Variants in SRGAP2 observed in about 807,000 individuals in gnomAD.
The protein encoded by SRGAP2 is SLIT-ROBO Rho GTPase activating protein 2.
In SRGAP2, 15 loss-of-function variants were observed where a neutral mutation model predicts 57.2. That is an observed-to-expected ratio of 0.26 (90% CI 0.18 to 0.40). The LOEUF is 0.40. Among genes scored for constraint, SRGAP2 ranks in the 10% least tolerant of loss-of-function variants. The pLI is 1.00. For missense variants in SRGAP2, 520 were observed against 669.6 expected (o/e 0.78, Z 2.47); for synonymous variants, 249 against 248.0 (o/e 1.00, Z -0.04).
At chr1:206,257,044 A>AG (rs1435407004) in intron 2 of SRGAP2, among the ~76,000 whole-genome samples, 1 of 129,432 alleles carries the variant, frequency 7.7e-6, no homozygotes, top group African/African-American at 3.0e-5. Context: ...TACTACTGCG[A>AG]GAGTGTGGGA....
At chr1:206,442,659 G>A (rs1418356818) in intron 17 of SRGAP2, among the ~76,000 whole-genome samples, 1 of 152,090 alleles carries the variant, frequency 6.6e-6, no homozygotes, top group East Asian at 1.9e-4. Flanking sequence ...GTTTTTTTCT[G>A]ATTGAAACGA....
intron 7 of SRGAP2, among the ~76,000 whole-genome samples, chr1:206,394,540 G>A (rs1657377734): frequency 6.6e-6 from 1 of 152,154 alleles, no homozygotes; most frequent in Admixed American, 6.5e-5. Context: ...GCTAGATAAG[G>A]AAGCTCAAGG....
intron 11 of SRGAP2, among the ~76,000 whole-genome samples, chr1:206,417,945 G>A (rs1216042354): frequency 1.3e-5 from 2 of 151,256 alleles, no homozygotes; most frequent in Non-Finnish European, 2.9e-5. Context: ...AGGGCCTTGG[G>A]GCCATACAAA....
intron 4 of SRGAP2, among the ~76,000 whole-genome samples, chr1:206,349,517 A>G (rs1348684784): frequency 4.3e-4 from 65 of 150,500 alleles, no homozygotes; most frequent in Non-Finnish European, 8.3e-4. Flanking sequence ...CCTCAAAAAA[A>G]AAAAAAAAAG....
chr1:206,453,045 G>A (rs575520884), intron 19 of SRGAP2, among the ~76,000 whole-genome samples, 155 bp from the exon 20 acceptor site: 3 of 152,306 alleles, frequency 2.0e-5, no homozygotes, highest in East Asian at 1.9e-4. Context: ...TATAGTCTGC[G>A]TGAGAATTAC....
At chr1:206,341,331 T>C (rs1675173512) in intron 3 of SRGAP2, among the ~76,000 whole-genome samples, 1 of 152,212 alleles carries the variant, frequency 6.6e-6, no homozygotes, top group Admixed American at 6.5e-5. Flanking sequence ...AAGAAACAGA[T>C]AGTTATTATT....
chr1:206,441,999 G>C (rs559575464), intron 17 of SRGAP2, among the ~76,000 whole-genome samples: 36 of 152,252 alleles, frequency 2.4e-4, no homozygotes, highest in Non-Finnish European at 5.1e-4. Context: ...ATATTTCTTT[G>C]TGAAAATGAG....
intron 4 of SRGAP2, among the ~76,000 whole-genome samples, chr1:206,351,118 G>A (rs1553338090): frequency 6.6e-6 from 1 of 152,232 alleles, no homozygotes; most frequent in Non-Finnish European, 1.5e-5. Context: ...GAGTCCAGCT[G>A]TTTGGCATGT....
chr1:206,371,591 C>T (rs2103023106), intron 4 of SRGAP2, among the ~76,000 whole-genome samples: 2 of 151,496 alleles, frequency 1.3e-5, no homozygotes, highest in Non-Finnish European at 2.9e-5. Flanking sequence ...ATTAGCCAGG[C>T]ATAGTGGCGG....
chr1:206,257,274 T>C (rs1571696027), intron 2 of SRGAP2, among the ~76,000 whole-genome samples: 1 of 75,104 alleles, frequency 1.3e-5, no homozygotes, highest in African/African-American at 5.5e-5. Flanking sequence ...TGGGCTGAAG[T>C]GATCCTCTTG....
In SRGAP2 at chr1:206,332,971, G is replaced by A. The variant is rs371641869; in HGVS notation, c.261-9875G>A. On this transcript the variant is annotated intron_variant, in intron 3 of 22. Transcript: ENST00000573034. ...ACTTTTGGTCTTTGATGATGGTGATGTACAGATGGGTTTTCGGTGTGGATG... is the reference window on the plus strand; with the variant it reads ...ACTTTTGGTCTTTGATGATGGTGATATACAGATGGGTTTTCGGTGTGGATG... Among the ~76,000 whole-genome samples the A allele has an allele frequency of 1.5e-3, 224 of 151,886 alleles. 1 individual carries two copies. In the East Asian group the frequency reaches 0.032, roughly 22 times the overall value.
intron 22 of SRGAP2, 142 bp downstream of exon 22, chr1:206,459,089 T>G: frequency 1.6e-6 from 1 of 608,122 alleles, no homozygotes; most frequent in Non-Finnish European, 3.0e-6. Flanking sequence ...TCTGGACATG[T>G]GGACCCAATA....
chr1:206,415,414 C>T (rs1204143902), intron 10 of SRGAP2, among the ~76,000 whole-genome samples: 6 of 152,188 alleles, frequency 3.9e-5, no homozygotes, highest in African/African-American at 1.4e-4. Flanking sequence ...AAAGATGCTC[C>T]ACATCCTGGG....
At chr1:206,307,676 C>G (rs1409091496) in intron 3 of SRGAP2, among the ~76,000 whole-genome samples, 1 of 152,260 alleles carries the variant, frequency 6.6e-6, no homozygotes, top group Non-Finnish European at 1.5e-5. Context: ...TCAGTACACC[C>G]TCCGCAGCCA....
rs1664419978 is a variant in SRGAP2, at chr1:206,464,006, T to G, written c.*2586T>G. The G allele has an allele frequency of 6.6e-6, 1 of 152,588 alleles. No individual in the cohort carries two copies. The highest frequency in any genetic ancestry group is 1.5e-5 in the Non-Finnish European group (1 of 68,080). 9.5% of individuals were successfully genotyped at this position (152,588 alleles called of 1,614,324 possible). A position where few individuals can be genotyped will look rare whatever the true frequency, so the allele number is the denominator to read the frequency against. ...TGGTGTGGACTCTGAAGGGTCAGTC[T>G]TCGGGGAAGAGAGGTGGGGTGGGGC... On this transcript the variant is annotated 3_prime_UTR_variant, in exon 23 of 23. Transcript: ENST00000573034.
rs1553361778 is a variant in SRGAP2, at chr1:206,415,997, G to A, written c.1441+24G>A. 5.2e-6 allele frequency: 4 copies of A among 775,632 alleles called. No homozygotes were observed. In the African/African-American group the frequency reaches 6.8e-5, roughly 13 times the overall value. 48.0% of individuals were successfully genotyped at this position (775,632 alleles called of 1,614,324 possible). On this transcript the variant is annotated intron_variant, in intron 11 of 22. Coordinates refer to ENST00000573034, the MANE Select transcript of SRGAP2 (RefSeq NM_015326.5). Reference sequence around the variant, plus strand: ...AAGTGAGTGTGGGAACCCTCTGCTAGAGGCTTGACAGTGAGGCCAGCTGGA... The same window carrying A: ...AAGTGAGTGTGGGAACCCTCTGCTAAAGGCTTGACAGTGAGGCCAGCTGGA...
At chr1:206,353,697 A>AAAATAAAT (rs546673732) in intron 4 of SRGAP2, among the ~76,000 whole-genome samples, 19 of 142,732 alleles carry the variant, frequency 1.3e-4, no homozygotes, top group African/African-American at 2.0e-4. Context: ...TCCATCTCAA[A>AAAATAAAT]AAATAAATAA....
In SRGAP2 at chr1:206,386,812, A is replaced by T. The variant is rs1405938464; in HGVS notation, c.486+2736A>T. Among the ~76,000 whole-genome samples the T allele has an allele frequency of 1.1e-3, 157 of 146,090 alleles. No homozygotes were observed. In the East Asian group the frequency reaches 0.011, roughly 10 times the overall value. ...AGACTGTCTCAAAAAAAAAAAAAAG[A>T]AAAAGGAAAAAAAGAGAAAGTTCAG... On this transcript the variant is annotated intron_variant, in intron 5 of 22. Coordinates refer to ENST00000573034, the MANE Select transcript of SRGAP2 (RefSeq NM_015326.5).
At chr1:206,226,844 T>A (rs1445683608) in intron 2 of SRGAP2, among the ~76,000 whole-genome samples, 3 of 152,154 alleles carry the variant, frequency 2.0e-5, no homozygotes, top group Non-Finnish European at 4.4e-5. Flanking sequence ...CACCCCAAGT[T>A]CAGGTTGCCC....
Sources: gnomAD v4.1 joint callset for allele counts (sites outside exome capture counted in the v4.1 genomes callset) on GRCh38, gnomAD v4.1.1 for gene constraint, MANE v1.5 for transcripts, NCBI Gene and HGNC (gene_info 2026-07-23, HGNC 2026-07-21) for gene names.